Variants in ZNF385B observed in about 807,000 individuals in gnomAD.
ZNF385B encodes zinc finger protein 533.
ZNF385B carries 23 observed loss-of-function variants against 39.2 expected under a neutral mutation model. The ratio of observed to expected loss-of-function variants is 0.59; its 90% CI spans 0.42 to 0.83. The LOEUF is 0.83. Among genes scored for constraint, ZNF385B ranks in the 40% least tolerant of loss-of-function variants. ZNF385B has a pLI of 0.00. For synonymous variants in ZNF385B, 205 were observed against 222.6 expected (o/e 0.92, Z 0.70); for missense variants, 552 against 598.9 (o/e 0.92, Z 0.82).
At chr2:179,451,510 A>G (rs1468218101) in intron 6 of ZNF385B, among the ~76,000 whole-genome samples, 1 of 152,168 alleles carries the variant, frequency 6.6e-6, no homozygotes, top group East Asian at 1.9e-4. Flanking sequence ...TAAAATTGAG[A>G]TGTATAGTAT....
chr2:179,802,418 T>C (rs534120182), intron 1 of ZNF385B: 7 of 152,272 alleles, frequency 4.6e-5, no homozygotes, highest in Admixed American at 2.6e-4. Flanking sequence ...TTCTGCTCTC[T>C]ACATCTTAAC....
chr2:179,631,583 C>A (rs1691220934), intron 3 of ZNF385B, among the ~76,000 whole-genome samples: 1 of 152,106 alleles, frequency 6.6e-6, no homozygotes, highest in South Asian at 2.1e-4. Flanking sequence ...ATTGTAAAGA[C>A]CCATTGATGC....
chr2:179,679,696 A>G (rs1284773077), intron 3 of ZNF385B, among the ~76,000 whole-genome samples: 1 of 152,158 alleles, frequency 6.6e-6, no homozygotes, highest in African/African-American at 2.4e-5. Flanking sequence ...CTTTCGACCC[A>G]TGGCGGGGTC....
At chr2:179,606,046 T>C (rs1347865781) in intron 3 of ZNF385B, among the ~76,000 whole-genome samples, 3 of 152,156 alleles carry the variant, frequency 2.0e-5, no homozygotes, top group Non-Finnish European at 4.4e-5. Flanking sequence ...CAAATTATTA[T>C]ATTTTTGTAA....
intron 1 of ZNF385B, among the ~76,000 whole-genome samples, chr2:179,778,834 G>GT: frequency 6.6e-6 from 1 of 152,250 alleles, no homozygotes; most frequent in South Asian, 2.1e-4. Flanking sequence ...GTGAACCACA[G>GT]TTTGTTACAT....
chr2:179,505,079 A>G (rs572793023), intron 5 of ZNF385B, among the ~76,000 whole-genome samples: 1 of 152,122 alleles, frequency 6.6e-6, no homozygotes, highest in Non-Finnish European at 1.5e-5. Context: ...AGCAGTTTCC[A>G]GAATCTGGGA....
At chr2:179,855,432 A>C (rs990408289) in intron 1 of ZNF385B, among the ~76,000 whole-genome samples, 11 of 152,180 alleles carry the variant, frequency 7.2e-5, no homozygotes, top group Admixed American at 5.2e-4. Context: ...TAAAAGACTA[A>C]GTCATTTTTC....
chr2:179,690,907 G>T (rs144807014), intron 3 of ZNF385B, among the ~76,000 whole-genome samples: 88 of 152,252 alleles, frequency 5.8e-4, no homozygotes, highest in Non-Finnish European at 9.9e-4. Flanking sequence ...TATCAAAGGT[G>T]CTTGAATCTG....
At chr2:179,719,891 A>G (rs1262648283) in intron 3 of ZNF385B, among the ~76,000 whole-genome samples, 1 of 152,206 alleles carries the variant, frequency 6.6e-6, no homozygotes, top group Non-Finnish European at 1.5e-5. Flanking sequence ...AGTCCCCGCA[A>G]GGTATACACT....
intron 3 of ZNF385B, among the ~76,000 whole-genome samples, chr2:179,663,713 CAAAAAAAAA>C (rs71401756): frequency 3.0e-4 from 20 of 67,736 alleles, no homozygotes; most frequent in Non-Finnish European, 4.4e-4. Flanking sequence ...GACTCCGTCT[CAAAAAAAAA>C]AAAAAAAAAA....
intron 3 of ZNF385B, among the ~76,000 whole-genome samples, chr2:179,736,997 G>A (rs894933624): frequency 6.6e-6 from 1 of 152,050 alleles, no homozygotes; most frequent in Non-Finnish European, 1.5e-5. Flanking sequence ...ACTTTATACT[G>A]GAGTAAATGC....
chr2:179,539,254 G>T (rs2105889733), intron 4 of ZNF385B, among the ~76,000 whole-genome samples: 1 of 152,214 alleles, frequency 6.6e-6, no homozygotes, highest in Admixed American at 6.5e-5. Flanking sequence ...CAAAGAGGAG[G>T]GAAAGCTCTC....
At chr2:179,502,299 T>C (rs2056836385) in intron 5 of ZNF385B, among the ~76,000 whole-genome samples, 1 of 152,154 alleles carries the variant, frequency 6.6e-6, no homozygotes, top group African/African-American at 2.4e-5. Flanking sequence ...GGCATGATTG[T>C]GCTTTGAAAT....
chr2:179,766,519 T>C (rs1703702653), intron 3 of ZNF385B, among the ~76,000 whole-genome samples: 1 of 152,180 alleles, frequency 6.6e-6, no homozygotes, highest in Non-Finnish European at 1.5e-5. Flanking sequence ...CTGAGGGCTG[T>C]GAGGGAAGGA....
rs1690511472 is a variant in ZNF385B at position 179,624,777 on chromosome 2, T to C, written c.299-79808A>G. On this transcript the variant is annotated intron_variant, in intron 3 of 9. Transcript: ENST00000410066. ...ACTTGCTAATTTCTACCAAAGGATA[T>C]TGACCAGAACCCCTAGTCATGATTT... is the stretch of plus-strand genomic sequence containing the variant. Among the ~76,000 whole-genome samples the C allele has an allele frequency of 2.0e-5, 3 of 152,292 alleles. No individual in the cohort carries two copies. In the South Asian group the frequency reaches 6.2e-4, roughly 32 times the overall value.
chr2:179,608,784 A>G (rs1392087083), intron 3 of ZNF385B, among the ~76,000 whole-genome samples: 9 of 151,908 alleles, frequency 5.9e-5, no homozygotes, highest in Admixed American at 5.9e-4. Flanking sequence ...AAGTTCTCAA[A>G]GATGAGAATA....
intron 5 of ZNF385B, among the ~76,000 whole-genome samples, chr2:179,508,522 T>C (rs2057422057): frequency 6.6e-6 from 1 of 152,204 alleles, no homozygotes; most frequent in Non-Finnish European, 1.5e-5. Flanking sequence ...AGGAATCTTT[T>C]ACTTTTGACT....
At chr2:179,669,158 T>G (rs929035706) in intron 3 of ZNF385B, among the ~76,000 whole-genome samples, 1 of 152,140 alleles carries the variant, frequency 6.6e-6, no homozygotes, top group Non-Finnish European at 1.5e-5. Context: ...TTATTCTAAT[T>G]TTACACATGA....
At chr2:179,573,335 T>C (rs925018389) in intron 3 of ZNF385B, among the ~76,000 whole-genome samples, 3 of 152,106 alleles carry the variant, frequency 2.0e-5, no homozygotes, top group African/African-American at 7.2e-5. Context: ...GCACCTAGAC[T>C]TGGATGAAAG....
Sources: allele counts gnomAD v4.1 joint callset (sites outside exome capture counted in the v4.1 genomes callset), GRCh38; gene constraint gnomAD v4.1.1; transcripts MANE v1.5; gene names NCBI Gene and HGNC (gene_info 2026-07-23, HGNC 2026-07-21).